MAGI2: variants seen among roughly 807,000 people sequenced by gnomAD.
MAGI2 encodes the protein membrane-associated guanylate kinase, WW and PDZ domain-containing protein 2.
MAGI2 carries 35 observed loss-of-function variants against 133.3 expected under a neutral mutation model. The observed-to-expected ratio is 0.26, with a 90% CI of 0.20 to 0.35. The LOEUF is 0.35. Among genes scored for constraint, MAGI2 ranks in the 10% least tolerant of loss-of-function variants. The pLI, the probability that MAGI2 is intolerant of heterozygous loss-of-function variation, is 1.00. For missense variants in MAGI2, 1,636 were observed against 1,863.4 expected (o/e 0.88, Z 2.25); for synonymous variants, 729 against 710.6 (o/e 1.03, Z -0.41).
chr7:78,058,003 A>ATATGTG, intron 21 of MAGI2, among the ~76,000 whole-genome samples: 1 of 117,026 alleles, frequency 8.5e-6, no homozygotes, highest in Non-Finnish European at 1.8e-5. Flanking sequence ...ATATATATAT[A>ATATGTG]TGTATGAGAA....
At chr7:79,102,771 C>T (rs757055973) in intron 1 of MAGI2, among the ~76,000 whole-genome samples, 2 of 152,100 alleles carry the variant, frequency 1.3e-5, no homozygotes, top group Admixed American at 6.5e-5. Flanking sequence ...AAGGATATTG[C>T]GATGATCTTT....
At chr7:79,319,180 T>C (rs576535502) in intron 1 of MAGI2, among the ~76,000 whole-genome samples, 3 of 152,210 alleles carry the variant, frequency 2.0e-5, no homozygotes, top group African/African-American at 7.2e-5. Flanking sequence ...TACAGACAGG[T>C]AAGTTTGGGA....
chr7:79,102,425 ACTTTCTTTC>A (rs1362580334), intron 1 of MAGI2, among the ~76,000 whole-genome samples: 3 of 152,092 alleles, frequency 2.0e-5, no homozygotes, highest in Non-Finnish European at 4.4e-5. Context: ...GCTCAGTTAC[ACTTTCTTTC>A]CTTCCATCTC....
intron 14 of MAGI2, 68 bp downstream of exon 14, chr7:78,177,943 A>G: frequency 2.7e-6 from 3 of 1,110,780 alleles, no homozygotes; most frequent in Admixed American, 3.6e-5. Context: ...CACACTAAAC[A>G]CTATTTTCCC....
intron 10 of MAGI2, among the ~76,000 whole-genome samples, chr7:78,222,110 G>C (rs183735267): frequency 1.3e-5 from 2 of 152,082 alleles, no homozygotes; most frequent in East Asian, 3.9e-4. Context: ...CAGGAGAGAT[G>C]AGAGGTTTAT....
At chr7:79,107,256 G>A (rs533205794) in intron 1 of MAGI2, among the ~76,000 whole-genome samples, 6 of 152,142 alleles carry the variant, frequency 3.9e-5, no homozygotes, top group African/African-American at 1.4e-4. Context: ...TCCATTGCTG[G>A]CTTTGAAGAA....
chr7:79,263,271 TCATGTAATCTTCAACCCTCACA>T (rs1834206705), intron 1 of MAGI2, among the ~76,000 whole-genome samples: 1 of 152,148 alleles, frequency 6.6e-6, no homozygotes, highest in Non-Finnish European at 1.5e-5. Context: ...GTTTATTTTA[TCATGTAATCTTCAACCCTCACA>T]AGAGCCCTCT....
At chr7:78,926,546 T>C (rs1799706579) in intron 2 of MAGI2, among the ~76,000 whole-genome samples, 1 of 151,906 alleles carries the variant, frequency 6.6e-6, no homozygotes, top group African/African-American at 2.4e-5. Context: ...CCCATCCCCT[T>C]CAAGATTCCA....
intron 1 of MAGI2, among the ~76,000 whole-genome samples, chr7:79,134,934 A>T (rs1821246205): frequency 6.6e-6 from 1 of 152,236 alleles, no homozygotes; most frequent in African/African-American, 2.4e-5. Flanking sequence ...GGACTTGCTA[A>T]TGGGAAAATA....
At chr7:78,171,878 AG>A (rs997738221) in intron 14 of MAGI2, among the ~76,000 whole-genome samples, 1 of 140,244 alleles carries the variant, frequency 7.1e-6, no homozygotes, top group Admixed American at 7.4e-5. Context: ...CCCTTGGAGG[AG>A]GGTTTTTTTG....
At chr7:78,228,514 G>C (rs1309619026) in intron 10 of MAGI2, among the ~76,000 whole-genome samples, 1 of 152,186 alleles carries the variant, frequency 6.6e-6, no homozygotes, top group South Asian at 2.1e-4. Context: ...GTTCCTTAGA[G>C]ACCCATTTTA....
intron 9 of MAGI2, among the ~76,000 whole-genome samples, chr7:78,338,433 C>T (rs955172645): frequency 1.2e-4 from 19 of 152,172 alleles, no homozygotes; most frequent in Non-Finnish European, 2.6e-4. Flanking sequence ...AACGGATTCC[C>T]CCTTTCCTGT....
chr7:78,893,040 A>T (rs956014856), intron 2 of MAGI2, among the ~76,000 whole-genome samples: 249 of 152,158 alleles, frequency 1.6e-3, no homozygotes, highest in Non-Finnish European at 2.9e-3. Flanking sequence ...CAAGAAAAAA[A>T]CAAACAACCC....
At chr7:79,275,990 A>C (rs1363291300) in intron 1 of MAGI2, among the ~76,000 whole-genome samples, 2 of 152,316 alleles carry the variant, frequency 1.3e-5, no homozygotes, top group Middle Eastern at 3.4e-3. Context: ...GCTCTGATGG[A>C]GATCTATAAG....
intron 2 of MAGI2, among the ~76,000 whole-genome samples, chr7:78,856,867 A>G (rs1309552987): frequency 6.6e-6 from 1 of 152,098 alleles, no homozygotes; most frequent in African/African-American, 2.4e-5. Context: ...CACAATATTG[A>G]TCCTTCCTAT....
intron 18 of MAGI2, among the ~76,000 whole-genome samples, chr7:78,129,715 C>A (rs1014466022): frequency 6.6e-6 from 1 of 151,898 alleles, no homozygotes; most frequent in African/African-American, 2.4e-5. Flanking sequence ...GAGGCTGAGG[C>A]GGGTGGATCA....
intron 6 of MAGI2, among the ~76,000 whole-genome samples, chr7:78,403,188 C>A (rs530081843): frequency 6.6e-6 from 1 of 150,640 alleles, no homozygotes; most frequent in Non-Finnish European, 1.5e-5. Flanking sequence ...GTGTGATGTT[C>A]CCCTTCCTGT....
chr7:78,978,672 C>T (rs76912152), intron 2 of MAGI2, among the ~76,000 whole-genome samples: 3,457 of 151,878 alleles, frequency 0.023, 132 homozygotes, highest in African/African-American at 0.078. Context: ...GTCAGAGGAT[C>T]ATAGGACTAT....
At chr7:78,657,822 G>A (rs2151031975) in intron 2 of MAGI2, among the ~76,000 whole-genome samples, 1 of 152,244 alleles carries the variant, frequency 6.6e-6, no homozygotes, top group South Asian at 2.1e-4. Flanking sequence ...GAGTGATAAT[G>A]TACGTGTTCA....
Sources: gnomAD v4.1 joint callset for allele counts (sites outside exome capture counted in the v4.1 genomes callset) on GRCh38, gnomAD v4.1.1 for gene constraint, MANE v1.5 for transcripts, NCBI Gene and HGNC (gene_info 2026-07-23, HGNC 2026-07-21) for gene names.